Variants in CHCHD3 observed in about 807,000 individuals in gnomAD.
The protein encoded by CHCHD3 is MICOS complex subunit MIC19.
A neutral mutation model predicts 38.2 loss-of-function variants in CHCHD3; 20 were observed. That is an observed-to-expected ratio of 0.52 (90% CI 0.37 to 0.76). The LOEUF (loss-of-function observed/expected upper bound fraction) is 0.76, where lower values mean the gene tolerates loss of function less well. Ranked by LOEUF, CHCHD3 falls within the 30% of genes least tolerant of loss-of-function variation. CHCHD3 has a pLI of 0.00. For missense variants in CHCHD3, 245 were observed against 279.2 expected (o/e 0.88, Z 0.87); for synonymous variants, 82 against 100.0 (o/e 0.82, Z 1.07).
At chr7:132,926,277 A>C (rs1433846816) in intron 4 of CHCHD3, among the ~76,000 whole-genome samples, 1 of 152,236 alleles carries the variant, frequency 6.6e-6, no homozygotes, top group Non-Finnish European at 1.5e-5. Flanking sequence ...AAAGGGGTAG[A>C]GGGGTAGCAA....
intron 5 of CHCHD3, among the ~76,000 whole-genome samples, chr7:132,864,819 C>T (rs982386232): frequency 3.9e-5 from 6 of 152,106 alleles, no homozygotes; most frequent in African/African-American, 1.2e-4. Context: ...CCAACTAAAA[C>T]AGTGATTCAA....
intron 2 of CHCHD3, among the ~76,000 whole-genome samples, chr7:133,027,087 G>A (rs540649026): frequency 2.0e-5 from 3 of 151,866 alleles, no homozygotes; most frequent in South Asian, 2.1e-4. Context: ...ACAGGCATGC[G>A]CCACCATGCC....
At chr7:132,848,258 C>T (rs770030058) in intron 5 of CHCHD3, among the ~76,000 whole-genome samples, 1 of 152,290 alleles carries the variant, frequency 6.6e-6, no homozygotes, top group African/African-American at 2.4e-5. Context: ...TGTCAAATAA[C>T]GGCAGTTCCC....
At chr7:132,856,143 G>A (rs982323180) in intron 5 of CHCHD3, among the ~76,000 whole-genome samples, 1 of 152,180 alleles carries the variant, frequency 6.6e-6, no homozygotes, top group African/African-American at 2.4e-5. Flanking sequence ...CATGTGGGCT[G>A]CAAGTCTCCT....
intron 2 of CHCHD3, among the ~76,000 whole-genome samples, chr7:133,057,674 T>C (rs1222535896): frequency 2.0e-5 from 3 of 152,184 alleles, no homozygotes; most frequent in African/African-American, 7.2e-5. Flanking sequence ...TTTGTAAATG[T>C]CATTTTTGCA....
intron 4 of CHCHD3, among the ~76,000 whole-genome samples, chr7:132,959,541 G>A (rs2117303277): frequency 6.6e-6 from 1 of 152,102 alleles, no homozygotes; most frequent in East Asian, 1.9e-4. Flanking sequence ...CGGCCAACAT[G>A]GTGAAACTCT....
intron 3 of CHCHD3, among the ~76,000 whole-genome samples, chr7:132,978,199 G>T (rs1193243195): frequency 6.6e-6 from 1 of 152,146 alleles, no homozygotes; most frequent in Admixed American, 6.5e-5. Context: ...CACTATGCGG[G>T]TAGGAATACA....
intron 4 of CHCHD3, chr7:132,972,798 G>A (rs896541752): frequency 1.0e-6 from 1 of 985,298 alleles, no homozygotes; most frequent in South Asian, 4.7e-5. Flanking sequence ...TACAGGAGTT[G>A]TGAGTACTAC....
At chr7:132,898,579 G>A (rs1452375611) in intron 4 of CHCHD3, among the ~76,000 whole-genome samples, 1 of 152,242 alleles carries the variant, frequency 6.6e-6, no homozygotes, top group African/African-American at 2.4e-5. Context: ...AGGTGGAGTT[G>A]CCTGCCAGTC....
chr7:132,812,200 CTTTTTTT>C (rs71529779), intron 6 of CHCHD3, among the ~76,000 whole-genome samples: 22 of 81,068 alleles, frequency 2.7e-4, no homozygotes, highest in South Asian at 5.1e-4. Flanking sequence ...TTTTTCTTTT[CTTTTTTT>C]TTTTTTTTTT....
chr7:132,885,223 G>T (rs1426926068), intron 5 of CHCHD3, among the ~76,000 whole-genome samples: 2 of 152,192 alleles, frequency 1.3e-5, no homozygotes, highest in African/African-American at 4.8e-5. Context: ...CTAGACTCCA[G>T]TCTGGGCGAC....
intron 3 of CHCHD3, among the ~76,000 whole-genome samples, chr7:132,980,051 T>C (rs112180674): frequency 1.3e-5 from 2 of 152,334 alleles, no homozygotes; most frequent in African/African-American, 4.8e-5. Context: ...AGCTATACTA[T>C]TCAACAGCCA....
intron 2 of CHCHD3, 116 bp downstream of exon 2, chr7:133,070,026 A>T: frequency 1.4e-6 from 1 of 691,240 alleles, no homozygotes. Flanking sequence ...ATTCCTTATT[A>T]AAAGCTAAAC....
At chr7:132,882,149 C>T (rs1385601935) in intron 5 of CHCHD3, among the ~76,000 whole-genome samples, 2 of 152,096 alleles carry the variant, frequency 1.3e-5, no homozygotes, top group East Asian at 3.9e-4. Flanking sequence ...GGCTTTTACA[C>T]ACTCATCTGA....
chr7:133,018,277 C>T (rs137911000), intron 3 of CHCHD3, among the ~76,000 whole-genome samples: 104 of 152,290 alleles, frequency 6.8e-4, no homozygotes, highest in Middle Eastern at 3.4e-3. Flanking sequence ...CACATCACAG[C>T]AGGATGGTAT....
At chr7:132,876,145 G>T (rs181140153) in intron 5 of CHCHD3, among the ~76,000 whole-genome samples, 4 of 152,208 alleles carry the variant, frequency 2.6e-5, no homozygotes, top group Admixed American at 2.6e-4. Context: ...CGCATTGGCT[G>T]GTCTGCCTAA....
At chr7:132,810,665 A>C (rs1807045551) in intron 6 of CHCHD3, among the ~76,000 whole-genome samples, 1 of 152,226 alleles carries the variant, frequency 6.6e-6, no homozygotes, top group African/African-American at 2.4e-5. Context: ...TAAAGGGATA[A>C]TGATATATTA....
intron 6 of CHCHD3, among the ~76,000 whole-genome samples, chr7:132,827,424 C>A (rs966914322): frequency 3.4e-4 from 52 of 152,208 alleles, no homozygotes; most frequent in African/African-American, 1.0e-3. Context: ...AGTCAACAGA[C>A]TACATGTTGT....
At chr7:132,797,981 T>C (rs993677903) in intron 6 of CHCHD3, among the ~76,000 whole-genome samples, 3 of 152,196 alleles carry the variant, frequency 2.0e-5, no homozygotes, top group African/African-American at 7.2e-5. Context: ...AAATTTGTTA[T>C]TTCCATAGTA....
Sources: allele counts gnomAD v4.1 joint callset (sites outside exome capture counted in the v4.1 genomes callset), GRCh38; gene constraint gnomAD v4.1.1; transcripts MANE v1.5; gene names NCBI Gene and HGNC (gene_info 2026-07-23, HGNC 2026-07-21).